SHROOM3: variants seen among roughly 807,000 people sequenced by gnomAD.
SHROOM3 encodes shroom family member 3.
Under a neutral mutation model 138.6 loss-of-function variants are expected in SHROOM3, and 47 were observed. The observed-to-expected ratio is 0.34, with a 90% confidence interval of 0.27 to 0.43. SHROOM3 has a LOEUF of 0.43. Among genes scored for constraint, SHROOM3 ranks in the 20% least tolerant of loss-of-function variants. The pLI is 1.00. For missense variants in SHROOM3, 2,491 were observed against 2,596.5 expected (o/e 0.96, Z 0.88); for synonymous variants, 1,062 against 1,063.3 (o/e 1.00, Z 0.02).
chr4:76,630,438 T>C (rs1735282192), intron 2 of SHROOM3, among the ~76,000 whole-genome samples: 1 of 152,200 alleles, frequency 6.6e-6, no homozygotes, highest in Non-Finnish European at 1.5e-5. Flanking sequence ...TAGAGCTCTC[T>C]TATGCATTAA....
At chr4:76,742,062 G>C in intron 5 of SHROOM3, 136 bp downstream of exon 5, 1 of 1,169,896 alleles carries the variant, frequency 8.5e-7, no homozygotes, top group African/African-American at 1.5e-5. Context: ...AGTAGCATTT[G>C]TTTTCATGAG....
At chr4:76,546,622 A>G (rs1364901767) in intron 1 of SHROOM3, among the ~76,000 whole-genome samples, 1 of 152,252 alleles carries the variant, frequency 6.6e-6, no homozygotes, top group African/African-American at 2.4e-5. Context: ...AATAATGCCC[A>G]AACGGCTTTG....
chr4:76,689,282 A>G (rs1342419033), intron 2 of SHROOM3, among the ~76,000 whole-genome samples: 1 of 142,678 alleles, frequency 7.0e-6, no homozygotes, highest in Non-Finnish European at 1.6e-5. Flanking sequence ...CTTCTTTGCC[A>G]TTGAAATGCA....
chr4:76,454,874 GTTAAGT>G (rs1306632274), intron 1 of SHROOM3, among the ~76,000 whole-genome samples: 13 of 152,030 alleles, frequency 8.6e-5, no homozygotes, highest in African/African-American at 2.4e-4. Flanking sequence ...TGCCTCCTTG[GTTAAGT>G]TTATTACTAA....
At chr4:76,677,753 A>G (rs1175922267) in intron 2 of SHROOM3, among the ~76,000 whole-genome samples, 3 of 152,108 alleles carry the variant, frequency 2.0e-5, no homozygotes, top group Admixed American at 1.3e-4. Flanking sequence ...TTAAAAGTAT[A>G]TTTTTCCCCC....
chr4:76,707,154 T>C (rs1720079984), intron 2 of SHROOM3, among the ~76,000 whole-genome samples: 2 of 152,196 alleles, frequency 1.3e-5, no homozygotes, highest in South Asian at 4.1e-4. Flanking sequence ...TATTTGGTAA[T>C]ATGTTTAGTT....
chr4:76,519,622 C>G (rs1338980727), intron 1 of SHROOM3, among the ~76,000 whole-genome samples: 4 of 152,116 alleles, frequency 2.6e-5, no homozygotes, highest in African/African-American at 9.7e-5. Context: ...TGGAGGGAAA[C>G]TGTGCTGGGC....
intron 1 of SHROOM3, among the ~76,000 whole-genome samples, chr4:76,482,828 G>C (rs528290155): frequency 6.6e-6 from 1 of 152,144 alleles, no homozygotes; most frequent in South Asian, 2.1e-4. Context: ...CAGAACAGAG[G>C]CCTCAGAAGT....
intron 1 of SHROOM3, among the ~76,000 whole-genome samples, chr4:76,519,813 T>C (rs937806630): frequency 6.6e-6 from 1 of 152,248 alleles, no homozygotes; most frequent in African/African-American, 2.4e-5. Flanking sequence ...GAAATCTCTT[T>C]ACTGAATCTT....
intron 2 of SHROOM3, among the ~76,000 whole-genome samples, chr4:76,643,582 A>G (rs1170927922): frequency 6.6e-6 from 1 of 152,208 alleles, no homozygotes; most frequent in Non-Finnish European, 1.5e-5. Context: ...CATTTCCTGC[A>G]TCCATTTTCC....
intron 2 of SHROOM3, among the ~76,000 whole-genome samples, chr4:76,570,773 G>A (rs372231483): frequency 4.6e-5 from 7 of 152,196 alleles, no homozygotes; most frequent in African/African-American, 1.7e-4. Context: ...CCCTGCAACA[G>A]TGAGGGCTGT....
In SHROOM3 at chr4:76,701,205, G is replaced by C. The variant is rs139687077; in HGVS notation, c.324-8951G>C. Among the ~76,000 whole-genome samples, 17 of 152,290 alleles carry C rather than the reference G, an allele frequency of 1.1e-4. No homozygotes were observed. In the East Asian group the frequency reaches 2.7e-3, roughly 24 times the overall value. On this transcript the variant is annotated intron_variant, in intron 2 of 10. Transcript: ENST00000296043. ...GGGTAGGGACTTCATCATTTCTCTA[G>C]ATCTAGGGACAGTTGGACTTGAGAG...
chr4:76,552,913 C>A (rs1019115560), intron 1 of SHROOM3, among the ~76,000 whole-genome samples: 1 of 152,070 alleles, frequency 6.6e-6, no homozygotes, highest in African/African-American at 2.4e-5. Flanking sequence ...TGACCCAGAT[C>A]GAGCCTTATT....
intron 1 of SHROOM3, among the ~76,000 whole-genome samples, chr4:76,516,322 A>G (rs1427205257): frequency 6.6e-6 from 1 of 152,140 alleles, no homozygotes; most frequent in Non-Finnish European, 1.5e-5. Context: ...CCTATTATCC[A>G]TCCTTCCAAC....
rs143414780 is a variant in SHROOM3, at chr4:76,616,441, A to G, written c.323+60678A>G. Reference sequence around the variant, plus strand: ...TGATAGATGAATGGATAAACAAAATATAGTGTATCCATTCATATGCATACA... The same window carrying G: ...TGATAGATGAATGGATAAACAAAATGTAGTGTATCCATTCATATGCATACA... On this transcript the variant is annotated intron_variant, in intron 2 of 10. Transcript: ENST00000296043. 7.4e-4 allele frequency among the ~76,000 whole-genome samples: 112 copies of G among 152,352 alleles called. 1 individual carries two copies. The highest frequency in any genetic ancestry group is 2.5e-3 in the African/African-American group (106 of 41,576).
intron 2 of SHROOM3, among the ~76,000 whole-genome samples, chr4:76,707,462 A>G (rs1442416521): frequency 2.6e-5 from 4 of 152,058 alleles, no homozygotes; most frequent in Non-Finnish European, 5.9e-5. Flanking sequence ...TTTTTTTTTA[A>G]GAAAGACTTG....
chr4:76,511,076 G>C (rs1322314393), intron 1 of SHROOM3, among the ~76,000 whole-genome samples: 1 of 152,048 alleles, frequency 6.6e-6, no homozygotes, highest in Non-Finnish European at 1.5e-5. Flanking sequence ...CAGCTACTCG[G>C]GAGGCTGAGG....
At chr4:76,631,969 T>C (rs1008570398) in intron 2 of SHROOM3, among the ~76,000 whole-genome samples, 88 of 152,056 alleles carry the variant, frequency 5.8e-4, no homozygotes, top group Admixed American at 5.7e-3. Context: ...TTGCAGATGA[T>C]TGAATAAAAG....
intron 2 of SHROOM3, among the ~76,000 whole-genome samples, chr4:76,704,735 A>G (rs1198507607): frequency 6.6e-6 from 1 of 152,206 alleles, no homozygotes; most frequent in Non-Finnish European, 1.5e-5. Flanking sequence ...TCAGGGAATG[A>G]CATCATCCAT....
Sources: allele counts gnomAD v4.1 joint callset (sites outside exome capture counted in the v4.1 genomes callset), GRCh38; gene constraint gnomAD v4.1.1; transcripts MANE v1.5; gene names NCBI Gene and HGNC (gene_info 2026-07-23, HGNC 2026-07-21).